The following CAMKMT variants were observed in gnomAD, a reference collection of about 807,000 sequenced individuals.
CAMKMT encodes calmodulin-lysine N-methyltransferase.
A neutral mutation model predicts 48.0 loss-of-function variants in CAMKMT; 53 were observed. The observed-to-expected ratio is 1.10, with a 90% CI of 0.89 to 1.39. The LOEUF (loss-of-function observed/expected upper bound fraction) is 1.39. Ranked by LOEUF, CAMKMT falls within the 40% of genes most tolerant of loss-of-function variation. The pLI is 0.00. For synonymous variants in CAMKMT, 165 were observed against 152.3 expected, an observed-to-expected ratio of 1.08 and a Z score of -0.61; for missense variants, 428 against 402.7, an observed-to-expected ratio of 1.06 and a Z score of -0.54.
intron 3 of CAMKMT, among the ~76,000 whole-genome samples, chr2:44,460,716 C>CTTTTT (rs1202949999): frequency 1.9e-4 from 20 of 103,228 alleles, no homozygotes; most frequent in South Asian, 3.1e-4. Context: ...GTGATAGATT[C>CTTTTT]TTTTTTTTTT....
At chr2:44,524,931 C>T (rs1194538930) in intron 3 of CAMKMT, among the ~76,000 whole-genome samples, 3 of 149,634 alleles carry the variant, frequency 2.0e-5, no homozygotes, top group African/African-American at 2.5e-5. Context: ...TTACTTTGAG[C>T]AGTTTAAGAG....
chr2:44,521,741 G>T (rs1427147056), intron 3 of CAMKMT, among the ~76,000 whole-genome samples: 1 of 152,224 alleles, frequency 6.6e-6, no homozygotes, highest in African/African-American at 2.4e-5. Flanking sequence ...TATAATGTCA[G>T]CTACTGGGCT....
intron 3 of CAMKMT, chr2:44,392,104 G>A (rs1681399395): frequency 6.6e-6 from 1 of 151,934 alleles, no homozygotes; most frequent in Non-Finnish European, 1.5e-5. Context: ...AACCTCTTTT[G>A]GTTTTTTCCT....
chr2:44,426,750 A>G (rs1684303537), intron 3 of CAMKMT, among the ~76,000 whole-genome samples: 1 of 152,236 alleles, frequency 6.6e-6, no homozygotes, highest in Non-Finnish European at 1.5e-5. Flanking sequence ...CATACTGCCC[A>G]AAGCAATTTA....
intron 3 of CAMKMT, among the ~76,000 whole-genome samples, chr2:44,554,722 A>G (rs1179163140): frequency 6.6e-6 from 1 of 152,086 alleles, no homozygotes; most frequent in Non-Finnish European, 1.5e-5. Flanking sequence ...TAAAAAATAA[A>G]AAAATTACCC....
chr2:44,762,963 T>C lies in CAMKMT; in HGVS notation c.763-3467T>C, dbSNP rs552416926. 5.3e-5 allele frequency among the ~76,000 whole-genome samples: 8 copies of C among 152,376 alleles called. 2 individuals carry two copies. Among genetic ancestry groups the C allele is most frequent in the African/African-American group, 1.9e-4 (8 of 41,576 alleles). On this transcript the variant is annotated intron_variant, in intron 9 of 10. Transcript: ENST00000378494. ...ATTGAAAATAATTTTTCTAAAGTGA[T>C]GGGCTAATTTGAAATCCATATTCCT...
At chr2:44,513,580 C>G (rs1173395803) in intron 3 of CAMKMT, among the ~76,000 whole-genome samples, 1 of 152,156 alleles carries the variant, frequency 6.6e-6, no homozygotes, top group Non-Finnish European at 1.5e-5. Flanking sequence ...GTTCTTGGTA[C>G]ACAAGAAAGG....
At chr2:44,705,591 T>C (rs1390484618) in intron 4 of CAMKMT, 9 of 953,204 alleles carry the variant, frequency 9.4e-6, no homozygotes, top group African/African-American at 1.8e-5. Context: ...GCCGCTTTAC[T>C]TTTGAGCTGT....
chr2:44,702,729 A>G (rs1573114491), intron 3 of CAMKMT, among the ~76,000 whole-genome samples: 2 of 152,156 alleles, frequency 1.3e-5, no homozygotes, highest in East Asian at 3.8e-4. Context: ...TTTCTCCCTC[A>G]AGCTGTCATT....
In CAMKMT at chr2:44,362,074, G is replaced by T; in HGVS notation, c.67G>T (p.Val23Phe). 1 of 1,447,418 alleles carries T rather than the reference G, an allele frequency of 6.9e-7. No homozygotes were observed. Among genetic ancestry groups the T allele is most frequent in the Non-Finnish European group, 9.0e-7 (1 of 1,108,852 alleles). 89.7% of individuals were successfully genotyped at this position (1,447,418 alleles called of 1,614,324 possible). Residue 23 changes from valine (V) to phenylalanine (F), a missense_variant, in exon 1 of 11, where the codon GTT (valine) becomes TTT (phenylalanine). By Grantham distance (50) the Val-to-Phe change is conservative. Coordinates refer to ENST00000378494, the MANE Select transcript of CAMKMT (RefSeq NM_024766.5). The stretch of plus-strand genomic sequence containing the variant: ...GCGAGCAGCGGGCGGGAGTCCGGCA[G>T]TTGGCTGCACCACTCGGGGGCCCGT... ...TARAAGGSPA[V>F]GCTTRGPVVS...
chr2:44,585,778 A>G (rs1336449578), intron 3 of CAMKMT, among the ~76,000 whole-genome samples: 2 of 152,240 alleles, frequency 1.3e-5, no homozygotes, highest in African/African-American at 4.8e-5. Context: ...GCTAGGCCAT[A>G]AATAAGACAA....
rs1230687965 is a variant in CAMKMT at position 44,406,155 on chromosome 2, T to C, written c.376+15850T>C. On this transcript the variant is annotated intron_variant, in intron 3 of 10. Coordinates refer to ENST00000378494, the MANE Select transcript of CAMKMT (RefSeq NM_024766.5). ...TACTAAGCAGGTAATAGAATTCATG[T>C]TTCACCTGACAGTTGGGCATTTCTT... Among the ~76,000 whole-genome samples, 4 of 152,208 alleles carry C rather than the reference T, an allele frequency of 2.6e-5. No homozygotes were observed. The East Asian group carries it at 5.8e-4, about 22-fold the overall frequency.
rs114791687 is a variant in CAMKMT, at chr2:44,724,139, C to T, written c.623+8786C>T. Among the ~76,000 whole-genome samples, 1,166 of 152,200 alleles carry T rather than the reference C, an allele frequency of 7.7e-3. 18 individuals are homozygous for T. Among genetic ancestry groups the T allele is most frequent in the African/African-American group, 0.027 (1,102 of 41,540 alleles). On this transcript the variant is annotated intron_variant, in intron 7 of 10. Transcript: ENST00000378494. ...AGAATGTTCTAGCCAGGTGCAGTGG[C>T]GTGTGCCTGTAGTCCCAGATACTAG...
intron 3 of CAMKMT, among the ~76,000 whole-genome samples, chr2:44,556,384 C>T (rs1668004557): frequency 6.6e-6 from 1 of 151,884 alleles, no homozygotes; most frequent in East Asian, 2.0e-4. Flanking sequence ...GGTGATCCAC[C>T]TGCCTCGGCC....
At chr2:44,477,717 G>A (rs754621446) in intron 3 of CAMKMT, among the ~76,000 whole-genome samples, 4 of 152,038 alleles carry the variant, frequency 2.6e-5, no homozygotes, top group Non-Finnish European at 5.9e-5. Flanking sequence ...GCTTTTGTTC[G>A]CACTAAAGAA....
intron 3 of CAMKMT, among the ~76,000 whole-genome samples, chr2:44,409,689 A>G (rs1683058135): frequency 6.6e-6 from 1 of 152,216 alleles, no homozygotes; most frequent in African/African-American, 2.4e-5. Context: ...TTAAGATGGT[A>G]ATAGAAAACA....
At chr2:44,445,249 G>C (rs1381560121) in intron 3 of CAMKMT, among the ~76,000 whole-genome samples, 1 of 152,156 alleles carries the variant, frequency 6.6e-6, no homozygotes. Flanking sequence ...GCACCCATGA[G>C]TGGCACCTGT....
chr2:44,435,454 G>A (rs557843588), intron 3 of CAMKMT, among the ~76,000 whole-genome samples: 5 of 152,244 alleles, frequency 3.3e-5, no homozygotes, highest in African/African-American at 1.2e-4. Flanking sequence ...ACAATTGCAA[G>A]CATTACCTAA....
chr2:44,664,663 A>G (rs1674857772), intron 3 of CAMKMT, among the ~76,000 whole-genome samples: 2 of 152,280 alleles, frequency 1.3e-5, no homozygotes, highest in Admixed American at 6.5e-5. Flanking sequence ...GAATGTAAAG[A>G]TAAAAGTAAA....
Sources: allele counts gnomAD v4.1 joint callset (sites outside exome capture counted in the v4.1 genomes callset), GRCh38; gene constraint gnomAD v4.1.1; transcripts MANE v1.5; gene names NCBI Gene and HGNC (gene_info 2026-07-23, HGNC 2026-07-21).